Variants in GLDC observed in about 807,000 individuals in gnomAD.
GLDC encodes the protein glycine decarboxylase.
Under a neutral mutation model 121.3 loss-of-function variants are expected in GLDC, and 104 were observed. The ratio of observed to expected loss-of-function variants is 0.86; its 90% CI spans 0.73 to 1.01. The LOEUF is 1.01. GLDC is among the 50% of genes least tolerant of loss of function. The pLI, the probability that GLDC is intolerant of heterozygous loss-of-function variation, is 0.00. For missense variants in GLDC, 1,429 were observed against 1,306.6 expected, an observed-to-expected ratio of 1.09 and a Z score of -1.44; for synonymous variants, 546 against 480.6, an observed-to-expected ratio of 1.14 and a Z score of -1.78.
intron 4 of GLDC, among the ~76,000 whole-genome samples, chr9:6,608,988 T>C (rs1267293005): frequency 6.6e-6 from 1 of 151,982 alleles, no homozygotes; most frequent in East Asian, 1.9e-4. Flanking sequence ...GCCTCTAAAC[T>C]TGCTGACCAA....
rs1178370970 is a variant in GLDC at position 6,532,612 on chromosome 9, T to C, written c.*405A>G. 1 of 205,098 alleles carries C rather than the reference T, an allele frequency of 4.9e-6. No homozygotes were observed. The highest frequency in any genetic ancestry group is 1.1e-4 in the East Asian group (1 of 8,752). 12.7% of individuals were successfully genotyped at this position (205,098 alleles called of 1,614,324 possible). A position where few individuals can be genotyped will look rare whatever the true frequency, so the allele number is the denominator to read the frequency against. On this transcript the variant is annotated 3_prime_UTR_variant, in exon 25 of 25. Transcript: ENST00000321612. ...AAAGAGTTCTTCAGGGTATACAAAATGTAAACATTTGCCCTGGGATTTCCC... is the reference window on the plus strand; with the variant it reads ...AAAGAGTTCTTCAGGGTATACAAAACGTAAACATTTGCCCTGGGATTTCCC...
rs376250207 is a variant in GLDC, at chr9:6,630,977, C to T, written c.335-10658G>A. Among the ~76,000 whole-genome samples, 117 of 152,312 alleles carry T rather than the reference C, an allele frequency of 7.7e-4. 3 individuals carry two copies. In the South Asian group the frequency reaches 0.024, roughly 31 times the overall value. ...TTCACTAGCCAAGTCAGCTGAATCA[C>T]GGAATGTGTTGAATCGTTCGAGAAA... On this transcript the variant is annotated intron_variant, in intron 2 of 24. Coordinates refer to ENST00000321612, the MANE Select transcript of GLDC (RefSeq NM_000170.3).
chr9:6,546,142 C>T (rs1192986423), intron 21 of GLDC, among the ~76,000 whole-genome samples: 3 of 152,006 alleles, frequency 2.0e-5, no homozygotes, highest in Non-Finnish European at 4.4e-5. Context: ...CAAACACACA[C>T]CTTTGTCTAG....
chr9:6,548,581 AC>A (rs1817444718), intron 21 of GLDC, among the ~76,000 whole-genome samples: 1 of 152,128 alleles, frequency 6.6e-6, no homozygotes. Flanking sequence ...ATAAGGTAAG[AC>A]CAGCCATTAA....
chr9:6,587,917 T>C (rs1270356817), intron 14 of GLDC, among the ~76,000 whole-genome samples: 2 of 152,050 alleles, frequency 1.3e-5, no homozygotes, highest in East Asian at 1.9e-4. Context: ...AAAAAAAAGC[T>C]TCGCTAAAAT....
intron 21 of GLDC, among the ~76,000 whole-genome samples, chr9:6,542,510 T>G (rs7858290): frequency 0.16 from 24,231 of 152,020 alleles, 2,158 homozygotes; most frequent in East Asian, 0.3. Flanking sequence ...GTGCTGGGAT[T>G]ACAGGCCGTG....
At position 6,591,739 on chromosome 9, in the gene GLDC, C is replaced by T. The variant is rs548080455; in HGVS notation, c.1482+404G>A. On this transcript the variant is annotated intron_variant, in intron 11 of 24. Coordinates refer to ENST00000321612, the MANE Select transcript of GLDC (RefSeq NM_000170.3). ...AACTGGGATTACAGGTATGTGCCAC[C>T]ATGCCTGGCTAATTTTGTATTTTTA... The T allele has an allele frequency of 1.1e-5, 3 of 261,394 alleles. No homozygotes were observed. In the South Asian group the frequency reaches 1.5e-4, roughly 13 times the overall value. The allele number at this position is 261,394 out of a possible 1,614,324, so 16.2% of individuals were successfully genotyped here. A position where few individuals can be genotyped will look rare whatever the true frequency, so the allele number is the denominator to read the frequency against.
chr9:6,635,511 G>C (rs1359897002), intron 2 of GLDC, among the ~76,000 whole-genome samples: 1 of 152,146 alleles, frequency 6.6e-6, no homozygotes, highest in Non-Finnish European at 1.5e-5. Flanking sequence ...TTTGAGGTTA[G>C]AGTAAGTTAT....
At chr9:6,542,132 T>A in intron 21 of GLDC, 1 of 152,212 alleles carries the variant, frequency 6.6e-6, no homozygotes. Context: ...CCCAGCTACT[T>A]GGGAGGCTTA....
In GLDC at chr9:6,633,821, C is replaced by CTTTTTTTTTTT. The variant is rs1156711956; in HGVS notation, c.334+10782_334+10792dup. Among the ~76,000 whole-genome samples the CTTTTTTTTTTT allele has an allele frequency of 2.2e-4, 20 of 89,458 alleles. 1 individual carries two copies. The highest frequency in any genetic ancestry group is 1.0e-3 in the African/African-American group (20 of 19,958). 58.7% of individuals were successfully genotyped at this position (89,458 alleles called of 152,430 possible). A position where few individuals can be genotyped will look rare whatever the true frequency, so the allele number is the denominator to read the frequency against. On this transcript the variant is annotated intron_variant, in intron 2 of 24. Transcript: ENST00000321612. ...ACTTGGGAGGCTGAGGCAGGAGAAT[C>CTTTTTTTTTTT]TTTTTTTTTTTTTTTTTTTTTTTTT...
intron 3 of GLDC, among the ~76,000 whole-genome samples, chr9:6,617,352 C>G: frequency 6.6e-6 from 1 of 152,098 alleles, no homozygotes; most frequent in Middle Eastern, 3.2e-3. Flanking sequence ...AATTAACATC[C>G]GCCCACAGCC....
Position 6,605,286 on chromosome 9 carries a change from GAC to G in GLDC, c.714-10_714-9del. 1 of 1,613,294 alleles carries G rather than the reference GAC, an allele frequency of 6.2e-7. No homozygotes were observed. Among genetic ancestry groups the G allele is most frequent in the Non-Finnish European group, 8.5e-7 (1 of 1,179,254 alleles). On this transcript the variant is annotated splice_polypyrimidine_tract_variant and intron_variant, in intron 5 of 24. Transcript: ENST00000321612. ...GTGAGGACTCCAGTATATCTGGAAA[GAC>G]AGACAACAAAGAACAATCGTGCTTT...
chr9:6,555,025 T>A, intron 18 of GLDC: 1 of 571,418 alleles, frequency 1.8e-6, no homozygotes, highest in Non-Finnish European at 3.1e-6. Flanking sequence ...CCAATTTAGA[T>A]TTAAAAATAT....
chr9:6,555,930 A>T (rs561831294), intron 18 of GLDC, among the ~76,000 whole-genome samples: 120 of 152,324 alleles, frequency 7.9e-4, no homozygotes, highest in African/African-American at 2.5e-3. Flanking sequence ...CTGTCCCCCA[A>T]GTAATCAGGA....
At chr9:6,596,642 C>T (rs1041930813) in intron 8 of GLDC, among the ~76,000 whole-genome samples, 1 of 152,224 alleles carries the variant, frequency 6.6e-6, no homozygotes, top group East Asian at 1.9e-4. Context: ...CTAATGAATG[C>T]TCAAAATCAT....
intron 3 of GLDC, among the ~76,000 whole-genome samples, chr9:6,611,340 G>T (rs6477099): frequency 6.6e-6 from 1 of 151,946 alleles, no homozygotes; most frequent in South Asian, 2.1e-4. Flanking sequence ...GGCGGATCAC[G>T]AGGTCAGGAG....
At chr9:6,609,037 A>G (rs1818796817) in intron 4 of GLDC, among the ~76,000 whole-genome samples, 1 of 152,132 alleles carries the variant, frequency 6.6e-6, no homozygotes, top group Admixed American at 6.5e-5. Context: ...TGCATAAGCC[A>G]AAAAAGAGGC....
In GLDC at chr9:6,532,525, C is replaced by A; in HGVS notation, c.*492G>T. On this transcript the variant is annotated 3_prime_UTR_variant, in exon 25 of 25. Coordinates refer to ENST00000321612, the MANE Select transcript of GLDC (RefSeq NM_000170.3). ...AAATGCAGATTAAAAAAAAAAAAAC[C>A]TCACACAGAAAAAGAGGAGAACACT... is the stretch of plus-strand genomic sequence containing the variant. 1.3e-5 allele frequency: 2 copies of A among 155,768 alleles called. No homozygotes were observed. Among genetic ancestry groups the A allele is most frequent in the East Asian group, 1.9e-4 (1 of 5,226 alleles). 9.6% of individuals were successfully genotyped at this position (155,768 alleles called of 1,614,324 possible).
chr9:6,618,918 T>C (rs1035342344), intron 3 of GLDC, among the ~76,000 whole-genome samples: 4 of 149,862 alleles, frequency 2.7e-5, no homozygotes, highest in Admixed American at 6.6e-5. Flanking sequence ...CCAAGGCGGG[T>C]GGATCATGAG....
Sources: gnomAD v4.1 joint callset for allele counts (sites outside exome capture counted in the v4.1 genomes callset) on GRCh38, gnomAD v4.1.1 for gene constraint, MANE v1.5 for transcripts, NCBI Gene and HGNC (gene_info 2026-07-23, HGNC 2026-07-21) for gene names.